Variants in ANK3 observed in about 807,000 individuals in gnomAD.
The protein encoded by ANK3 is ankyrin 3.
In ANK3, 57 loss-of-function variants were observed where a neutral mutation model predicts 370.9. The observed-to-expected ratio is 0.15, with a 90% confidence interval of 0.12 to 0.19. ANK3 has a LOEUF of 0.19. ANK3 is among the 10% of genes least tolerant of loss of function. ANK3 has a pLI of 1.00. For missense variants in ANK3, 4,439 were observed against 5,302.1 expected (o/e 0.84, Z 5.06); for synonymous variants, 1,929 against 1,946.3 (o/e 0.99, Z 0.23).
intron 1 of ANK3, among the ~76,000 whole-genome samples, chr10:60,632,153 A>T (rs1365862946): frequency 1.4e-5 from 2 of 140,028 alleles, no homozygotes; most frequent in Non-Finnish European, 3.1e-5. Flanking sequence ...CATTCAGCTC[A>T]GATAAAATAA....
intron 2 of ANK3, among the ~76,000 whole-genome samples, chr10:60,461,075 C>T (rs994837455): frequency 5.3e-5 from 8 of 152,140 alleles, no homozygotes; most frequent in African/African-American, 1.4e-4. Flanking sequence ...TTCAACTAAG[C>T]GTGAATCTAC....
chr10:60,041,857 C>T (rs1589143294), intron 43 of ANK3, among the ~76,000 whole-genome samples: 2 of 152,136 alleles, frequency 1.3e-5, no homozygotes, highest in Admixed American at 1.3e-4. Context: ...TACCAGTATT[C>T]TGGCAAGCAG....
chr10:60,347,489 T>C (rs1006958957), intron 1 of ANK3, among the ~76,000 whole-genome samples: 1 of 152,020 alleles, frequency 6.6e-6, no homozygotes, highest in Non-Finnish European at 1.5e-5. Flanking sequence ...ATTTGCTGTG[T>C]GATGTTGGAC....
At chr10:60,349,541 T>A (rs1406313828) in intron 1 of ANK3, among the ~76,000 whole-genome samples, 2 of 152,050 alleles carry the variant, frequency 1.3e-5, no homozygotes, top group African/African-American at 2.4e-5. Flanking sequence ...CCAAAATGTA[T>A]GAAAATCTTA....
intron 2 of ANK3, among the ~76,000 whole-genome samples, chr10:60,507,157 T>C (rs1292058638): frequency 6.6e-6 from 1 of 152,036 alleles, no homozygotes; most frequent in Admixed American, 6.6e-5. Flanking sequence ...TACGTACAAT[T>C]ATTATGTATC....
intron 1 of ANK3, among the ~76,000 whole-genome samples, chr10:60,669,703 C>T (rs1011492353): frequency 2.0e-5 from 3 of 152,162 alleles, no homozygotes; most frequent in East Asian, 3.9e-4. Context: ...TCCTTGACTC[C>T]CCCTCACTTT....
chr10:60,348,073 T>C (rs1375186449), intron 1 of ANK3, among the ~76,000 whole-genome samples: 2 of 152,134 alleles, frequency 1.3e-5, no homozygotes, highest in Non-Finnish European at 2.9e-5. Context: ...AAGTGGACTT[T>C]GTTTCCTACA....
In ANK3 at chr10:60,205,640, C is replaced by T. The variant is rs1047696673; in HGVS notation, c.1293+152G>A. 2.3e-5 allele frequency: 14 copies of T among 600,462 alleles called. No individual in the cohort carries two copies. In the Admixed American group the frequency reaches 2.6e-4, roughly 11 times the overall value. 37.2% of individuals were successfully genotyped at this position (600,462 alleles called of 1,614,324 possible). A position where few individuals can be genotyped will look rare whatever the true frequency, so the allele number is the denominator to read the frequency against. On this transcript the variant is annotated intron_variant, in intron 11 of 43. Transcript: ENST00000280772. ...CATGTTTGTCTGCTTCTCCTAGGGA[C>T]TGGCAGCCCTCTTCCTAAAGAGTTC...
At chr10:60,039,373 T>G (rs1032763483) in intron 43 of ANK3, among the ~76,000 whole-genome samples, 1 of 152,194 alleles carries the variant, frequency 6.6e-6, no homozygotes, top group Non-Finnish European at 1.5e-5. Context: ...GGATCTTCCC[T>G]TGCCATGACC....
chr10:60,053,895 G>C (rs2078599156), intron 42 of ANK3, among the ~76,000 whole-genome samples: 1 of 152,092 alleles, frequency 6.6e-6, no homozygotes, highest in Admixed American at 6.6e-5. Flanking sequence ...CTCCATTATG[G>C]ATTTTTTAGG....
intron 2 of ANK3, among the ~76,000 whole-genome samples, chr10:60,435,180 A>G (rs2064126171): frequency 6.6e-6 from 1 of 152,168 alleles, no homozygotes; most frequent in Admixed American, 6.5e-5. Context: ...AAAACAGTAT[A>G]GGATTACGGG....
chr10:60,117,532 A>G (rs7070227), intron 25 of ANK3, among the ~76,000 whole-genome samples: 138 of 152,278 alleles, frequency 9.1e-4, no homozygotes, highest in African/African-American at 3.1e-3. Flanking sequence ...AAGAAAAAGC[A>G]ATCAGGTCAG....
At chr10:60,179,855 T>C (rs1402308834) in intron 18 of ANK3, among the ~76,000 whole-genome samples, 1 of 152,080 alleles carries the variant, frequency 6.6e-6, no homozygotes, top group Non-Finnish European at 1.5e-5. Flanking sequence ...TTAAGAATCC[T>C]CACCATACTC....
intron 23 of ANK3, among the ~76,000 whole-genome samples, chr10:60,166,328 AAG>A (rs1456988461): frequency 6.6e-6 from 1 of 152,182 alleles, no homozygotes; most frequent in African/African-American, 2.4e-5. Context: ...GATAGAAACA[AAG>A]AGAAGGCAAG....
chr10:60,634,629 C>G lies in ANK3; in HGVS notation c.58-19405G>C, dbSNP rs147361695. 1.8e-3 allele frequency among the ~76,000 whole-genome samples: 275 copies of G among 152,186 alleles called. 1 individual carries two copies. Among genetic ancestry groups the G allele is most frequent in the African/African-American group, 6.4e-3 (267 of 41,518 alleles). ...AGGCCACCGGAGCCAGCAGCAGCAA[C>G]CAGCTCGGGTCCCCTTCAACGCTGT... is the stretch of plus-strand genomic sequence containing the variant. On this transcript the variant is annotated intron_variant, in intron 1 of 43. Transcript: ENST00000373827.
At chr10:60,203,329 C>A (rs1236184835) in intron 11 of ANK3, among the ~76,000 whole-genome samples, 2 of 152,048 alleles carry the variant, frequency 1.3e-5, no homozygotes, top group Non-Finnish European at 2.9e-5. Context: ...TTATGTCATA[C>A]CTATTAAAAA....
chr10:60,208,376 T>A, intron 9 of ANK3, 143 bp from the exon 10 acceptor site: 1 of 718,244 alleles, frequency 1.4e-6, no homozygotes, highest in Non-Finnish European at 2.3e-6. Flanking sequence ...TTGACAACTA[T>A]TTTGAACTAC....
chr10:60,424,578 C>G (rs958348343), intron 2 of ANK3, among the ~76,000 whole-genome samples: 2 of 151,988 alleles, frequency 1.3e-5, no homozygotes, highest in African/African-American at 4.8e-5. Flanking sequence ...GTTATTTCTG[C>G]CCTTGAGAAC....
intron 43 of ANK3, among the ~76,000 whole-genome samples, chr10:60,039,742 C>T (rs1020451026): frequency 6.6e-6 from 1 of 151,972 alleles, no homozygotes; most frequent in Non-Finnish European, 1.5e-5. Flanking sequence ...TTGTATTTAC[C>T]TTATAGCATT....
Sources: gnomAD v4.1 joint callset for allele counts (sites outside exome capture counted in the v4.1 genomes callset) on GRCh38, gnomAD v4.1.1 for gene constraint, MANE v1.5 for transcripts, NCBI Gene and HGNC (gene_info 2026-07-23, HGNC 2026-07-21) for gene names.